MISP: variants seen among roughly 807,000 people sequenced by gnomAD.
MISP encodes mitotic spindle positioning, also known as mitotic interactor and substrate of PLK1.
MISP carries 51 observed loss-of-function variants against 49.3 expected under a neutral mutation model. The ratio of observed to expected loss-of-function variants is 1.03; its 90% CI spans 0.83 to 1.31. The LOEUF is 1.31. MISP is among the 50% of genes most tolerant of loss of function. MISP has a pLI of 0.00. For synonymous variants in MISP, 444 were observed against 392.6 expected (o/e 1.13, Z -1.55); for missense variants, 1,084 against 935.1 (o/e 1.16, Z -2.08).
At chr19:758,822 CT>C in intron 2 of MISP, 96 bp downstream of exon 2, 3 of 1,054,832 alleles carry the variant, frequency 2.8e-6, no homozygotes, top group Non-Finnish European at 2.7e-6. Flanking sequence ...TGTCAAAGGG[CT>C]GGGGTTGGGG....
rs538742996 is a variant in MISP at position 757,651 on chromosome 19, C to G, written c.705C>G (p.Asn235Lys). Residue 235 changes from asparagine (N) to lysine (K), a missense_variant, in exon 2 of 5, where the codon AAC becomes AAG. Transcript: ENST00000215582. ...PGASQAPKAF[N>K]KPHLANGHVV... The stretch of plus-strand genomic sequence containing the variant: ...CCAGCCAGGCCCCCAAGGCCTTCAA[C>G]AAGCCCCACCTGGCCAACGGGCACG... 44 of 1,613,238 alleles carry G rather than the reference C, an allele frequency of 2.7e-5. No individual in the cohort carries two copies. Among genetic ancestry groups the G allele is most frequent in the Non-Finnish European group, 3.6e-5 (43 of 1,179,760 alleles).
Position 757,435 on chromosome 19 carries a change from C to A in MISP, c.489C>A (p.Gly163=). ...RKSSTVATLQ[G]TPDHGDPRTP... is the part of the protein sequence containing the mutation. Reference sequence around the variant, plus strand: ...GCAGCACCGTGGCCACGCTCCAGGGCACTCCTGACCACGGAGACCCCAGGA... The same window carrying A: ...GCAGCACCGTGGCCACGCTCCAGGGAACTCCTGACCACGGAGACCCCAGGA... The change falls in exon 2 of 5, where the codon GGC becomes GGA. Residue 163 remains glycine (G), a synonymous_variant. Transcript: ENST00000215582. The A allele has an allele frequency of 6.3e-7, 1 of 1,594,698 alleles. No homozygotes were observed. The highest frequency in any genetic ancestry group is 8.5e-7 in the Non-Finnish European group (1 of 1,171,418).
Position 757,968 on chromosome 19 carries a change from G to C in MISP, c.1022G>C (p.Arg341Pro). The C allele has an allele frequency of 6.3e-7, 1 of 1,586,402 alleles. No homozygotes were observed. Among genetic ancestry groups the C allele is most frequent in the Non-Finnish European group, 8.5e-7 (1 of 1,171,104 alleles). ...LTKLSLITAP[R>P]RERGRPSLYV... Reference sequence around the variant, plus strand: ...AAGCTGAGCCTGATCACAGCCCCACGGCGGGAGAGAGGGCGCCCGTCCCTC... The same window carrying C: ...AAGCTGAGCCTGATCACAGCCCCACCGCGGGAGAGAGGGCGCCCGTCCCTC... The change falls in exon 2 of 5, where the codon CGG (arginine) becomes CCG (proline). Residue 341 changes from arginine to proline, a missense_variant. Transcript: ENST00000215582.
chr19:750,983 TC>T (rs1384145670), upstream of MISP: 2 of 152,442 alleles, frequency 1.3e-5, no homozygotes, highest in African/African-American at 4.8e-5. Context: ...GTATCCTCTT[TC>T]TCCCTCCTCC....
In MISP at chr19:763,880, C is replaced by T. The variant is rs930703851; in HGVS notation, c.*290C>T. The T allele has an allele frequency of 1.8e-5, 7 of 394,408 alleles. No homozygotes were observed. Among genetic ancestry groups the T allele is most frequent in the Non-Finnish European group, 3.3e-5 (7 of 214,904 alleles). 24.4% of individuals were successfully genotyped at this position (394,408 alleles called of 1,614,324 possible). A position where few individuals can be genotyped will look rare whatever the true frequency, so the allele number is the denominator to read the frequency against. ...TAAGACTTTGCCAAATGCCCTGGGT[C>T]TAAGAAAGAAAGAGACCCGCTCCTC... On this transcript the variant is annotated 3_prime_UTR_variant, in exon 5 of 5. Transcript: ENST00000215582.
intron 1 of MISP, among the ~76,000 whole-genome samples, chr19:754,191 G>A (rs1041557578): frequency 1.1e-4 from 17 of 151,686 alleles, no homozygotes; most frequent in African/African-American, 4.1e-4. Flanking sequence ...CTGGCTGGGC[G>A]CGGTGGCTCA....
At chr19:752,050 AT>A in intron 1 of MISP, among the ~76,000 whole-genome samples, 1 of 152,210 alleles carries the variant, frequency 6.6e-6, no homozygotes, top group South Asian at 2.1e-4. Flanking sequence ...GGAGGGGGTG[AT>A]TTGGAGCAAA....
upstream of MISP, among the ~76,000 whole-genome samples, chr19:750,346 C>T (rs1354987451): frequency 6.6e-6 from 1 of 151,860 alleles, no homozygotes; most frequent in African/African-American, 2.4e-5. Flanking sequence ...ATTATAATAG[C>T]GTGCCACCAT....
At chr19:751,990 AAC>A (rs1364511954) in intron 1 of MISP, among the ~76,000 whole-genome samples, 1 of 152,132 alleles carries the variant, frequency 6.6e-6, no homozygotes, top group Non-Finnish European at 1.5e-5. Flanking sequence ...TTCTGGTATC[AAC>A]AGAGTTCAGG....
intron 1 of MISP, among the ~76,000 whole-genome samples, chr19:756,343 A>G (rs1459588620): frequency 1.3e-5 from 2 of 152,138 alleles, no homozygotes; most frequent in African/African-American, 4.8e-5. Flanking sequence ...AGAGGGTGAA[A>G]TGCTCTCACT....
intron 1 of MISP, among the ~76,000 whole-genome samples, chr19:753,262 G>A (rs944584723): frequency 3.3e-5 from 5 of 152,300 alleles, no homozygotes; most frequent in South Asian, 2.1e-4. Context: ...TTTGATACGC[G>A]CGGAAGATTG....
Position 757,114 on chromosome 19 carries a change from G to A in MISP, c.168G>A (p.Arg56=). ...CGCAGACATGGCCCACTGACCACAGGGCCCAGCAGGGCGTGCAGAGGCAGG... is the reference window on the plus strand; with the variant it reads ...CGCAGACATGGCCCACTGACCACAGAGCCCAGCAGGGCGTGCAGAGGCAGG... ...DEPQTWPTDH[R]AQQGVQRQGV... Residue 56 remains arginine, a synonymous_variant, in exon 2 of 5, where the codon AGG becomes AGA. Coordinates refer to ENST00000215582, the MANE Select transcript of MISP (RefSeq NM_173481.4). The A allele has an allele frequency of 1.2e-6, 2 of 1,613,190 alleles. No individual in the cohort carries two copies. The highest frequency in any genetic ancestry group is 1.1e-5 in the South Asian group (1 of 91,072).
chr19:752,042 A>G (rs1219668059), intron 1 of MISP, among the ~76,000 whole-genome samples: 1 of 152,118 alleles, frequency 6.6e-6, no homozygotes, highest in African/African-American at 2.4e-5. Context: ...TTCCTGTAGG[A>G]GGGGGTGATT....
chr19:754,018 A>G (rs12982507), intron 1 of MISP, among the ~76,000 whole-genome samples: 15,560 of 152,144 alleles, frequency 0.1, 931 homozygotes, highest in Admixed American at 0.14. Flanking sequence ...CCTTTCCTCA[A>G]CTATGAAAGA....
intron 1 of MISP, among the ~76,000 whole-genome samples, chr19:752,865 A>G (rs1033175502): frequency 1.3e-5 from 2 of 152,152 alleles, no homozygotes; most frequent in African/African-American, 4.8e-5. Context: ...CAGGGCGTGG[A>G]CCTGCCCAGC....
Position 757,517 on chromosome 19 carries a change from A to G in MISP, c.571A>G (p.Ile191Val), listed in dbSNP as rs2033575085. The change falls in exon 2 of 5, where the codon ATT becomes GTT. Residue 191 changes from isoleucine (I) to valine (V), a missense_variant. Ile to Val is a conservative substitution (Grantham distance 29). Coordinates refer to ENST00000215582, the MANE Select transcript of MISP (RefSeq NM_173481.4). ...GGAGAACGTGGTTGACAGGGAGCAG[A>G]TTGACTTCCTGGCAGCGAGACAGCA... ...LEENVVDREQ[I>V]DFLAARQQFL... 6.2e-7 allele frequency: 1 copy of G among 1,608,858 alleles called. No individual in the cohort carries two copies. The highest frequency in any genetic ancestry group is 1.3e-5 in the African/African-American group (1 of 74,882).
chr19:762,749 C>G (rs2033693880), intron 4 of MISP, among the ~76,000 whole-genome samples: 1 of 151,906 alleles, frequency 6.6e-6, no homozygotes, highest in Admixed American at 6.6e-5. Flanking sequence ...ACCTTGACCT[C>G]CTGGGCTCAA....
upstream of MISP, among the ~76,000 whole-genome samples, chr19:749,190 T>C (rs12459472): frequency 0.34 from 51,807 of 152,080 alleles, 9,395 homozygotes; most frequent in African/African-American, 0.45. Context: ...AGCCTCAGCC[T>C]GGGCGTGGGA....
chr19:757,211 G>A lies in MISP; in HGVS notation c.265G>A (p.Asp89Asn). ...GGGGCTCCACTCGGAGAACAGGGAG[G>A]ATGAGGGTTGGCAGGTTTACCGCCT... Reference protein sequence around the residue: ...PRGLHSENREDEGWQVYRLGA... With the variant: ...PRGLHSENRENEGWQVYRLGA... The change falls in exon 2 of 5, where the codon GAT (aspartate) becomes AAT (asparagine). Residue 89 changes from aspartate (D) to asparagine (N), a missense_variant. Physicochemically the swap from Asp to Asn is conservative, Grantham distance 23. Transcript: ENST00000215582. 1 of 1,613,728 alleles carries A rather than the reference G, an allele frequency of 6.2e-7. No homozygotes were observed. Among genetic ancestry groups the A allele is most frequent in the Non-Finnish European group, 8.5e-7 (1 of 1,179,994 alleles).
Sources: allele counts gnomAD v4.1 joint callset (sites outside exome capture counted in the v4.1 genomes callset), GRCh38; gene constraint gnomAD v4.1.1; transcripts MANE v1.5; gene names NCBI Gene and HGNC (gene_info 2026-07-23, HGNC 2026-07-21).